CDH18: variants seen among roughly 807,000 people sequenced by gnomAD.
CDH18 encodes the protein cadherin 18.
Under a neutral mutation model 67.9 loss-of-function variants are expected in CDH18, and 31 were observed. The observed-to-expected ratio is 0.46, with a 90% CI of 0.34 to 0.62. The LOEUF (loss-of-function observed/expected upper bound fraction) is 0.62, where lower values mean the gene tolerates loss of function less well. Ranked by LOEUF, CDH18 falls within the 20% of genes least tolerant of loss-of-function variation. The pLI is 0.01. For synonymous variants in CDH18, 362 were observed against 347.2 expected (o/e 1.04, Z -0.48); for missense variants, 890 against 975.5 (o/e 0.91, Z 1.17).
At chr5:20,019,151 T>C (rs373083251) in intron 2 of CDH18, among the ~76,000 whole-genome samples, 4 of 152,100 alleles carry the variant, frequency 2.6e-5, no homozygotes, top group East Asian at 1.9e-4. Flanking sequence ...GGTATTTTCA[T>C]GGAATTAAGC....
intron 5 of CDH18, among the ~76,000 whole-genome samples, chr5:19,663,074 C>T (rs1757406971): frequency 6.6e-6 from 1 of 151,872 alleles, no homozygotes. Context: ...TAACAACGTT[C>T]TTTTTTCCCC....
chr5:20,240,651 A>G (rs577459970), intron 2 of CDH18, among the ~76,000 whole-genome samples: 86 of 152,188 alleles, frequency 5.7e-4, no homozygotes, highest in Non-Finnish European at 8.5e-4. Flanking sequence ...ATAGTTCCTA[A>G]TTATTCTCTT....
intron 1 of CDH18, among the ~76,000 whole-genome samples, chr5:20,529,841 C>T (rs1481631670): frequency 6.6e-6 from 1 of 152,004 alleles, no homozygotes; most frequent in East Asian, 1.9e-4. Context: ...GACAAGGATG[C>T]TGTCTCTCAC....
intron 2 of CDH18, among the ~76,000 whole-genome samples, chr5:20,221,866 A>C (rs542899301): frequency 6.6e-6 from 1 of 152,270 alleles, no homozygotes; most frequent in South Asian, 2.1e-4. Context: ...AAGTTCTACC[A>C]TATCTAAACC....
chr5:19,939,103 T>G lies in CDH18; in HGVS notation c.-257+41957A>C, dbSNP rs906003266. 2.6e-5 allele frequency among the ~76,000 whole-genome samples: 4 copies of G among 151,448 alleles called. 1 individual carries two copies. In the South Asian group the frequency reaches 8.3e-4, roughly 32 times the overall value. ...AATATTTAGAGGATAGAACTAATAC[T>G]TTCAGATATAATATGTTATTTAAGT... is the stretch of plus-strand genomic sequence containing the variant. On this transcript the variant is annotated intron_variant, in intron 2 of 12. Coordinates refer to ENST00000382275, the MANE Select transcript of CDH18 (RefSeq NM_004934.5).
chr5:20,003,741 A>G (rs1425363164), intron 2 of CDH18, among the ~76,000 whole-genome samples: 1 of 151,978 alleles, frequency 6.6e-6, no homozygotes, highest in African/African-American at 2.4e-5. Flanking sequence ...AAACACACAC[A>G]CAAAAAATTA....
Position 19,490,394 on chromosome 5 carries a change from G to GTTTTTTT in CDH18, c.1631-6849_1631-6843dup, listed in dbSNP as rs70950073. ...TGATATATCACATATATAAAAATCT[G>GTTTTTTT]TTTTTTTTTTTTTTTTTTTTTTTTT... On this transcript the variant is annotated intron_variant, in intron 11 of 12. Coordinates refer to ENST00000382275, the MANE Select transcript of CDH18 (RefSeq NM_004934.5). 3.4e-3 allele frequency among the ~76,000 whole-genome samples: 205 copies of GTTTTTTT among 60,222 alleles called. 26 individuals carry two copies. Among genetic ancestry groups the GTTTTTTT allele is most frequent in the Non-Finnish European group, 4.6e-3 (155 of 33,514 alleles). 39.5% of individuals were successfully genotyped at this position (60,222 alleles called of 152,430 possible).
Position 19,471,605 on chromosome 5 carries a change from A to C in CDH18, c.*1621T>G, listed in dbSNP as rs1737657775. On this transcript the variant is annotated 3_prime_UTR_variant, in exon 13 of 13. Transcript: ENST00000382275. ...AATATATAGATGTGGCCAGTTTTAGAAAATAGGACCATTATGGTATGAATT... is the reference window on the plus strand; with the variant it reads ...AATATATAGATGTGGCCAGTTTTAGCAAATAGGACCATTATGGTATGAATT... Among the ~76,000 whole-genome samples, 1 of 152,138 alleles carries C rather than the reference A, an allele frequency of 6.6e-6. No homozygotes were observed. The highest frequency in any genetic ancestry group is 6.6e-5 in the Admixed American group (1 of 15,254).
chr5:20,358,559 G>A (rs1456845844), intron 1 of CDH18, among the ~76,000 whole-genome samples: 1 of 152,144 alleles, frequency 6.6e-6, no homozygotes, highest in Non-Finnish European at 1.5e-5. Flanking sequence ...GCATAAATAT[G>A]TGTAATATTT....
intron 9 of CDH18, among the ~76,000 whole-genome samples, chr5:19,535,922 T>C (rs1288686084): frequency 6.6e-6 from 1 of 152,162 alleles, no homozygotes; most frequent in Non-Finnish European, 1.5e-5. Context: ...ACTGACCAGG[T>C]CAAAGAAATT....
intron 4 of CDH18, among the ~76,000 whole-genome samples, chr5:19,732,448 G>C (rs187354869): frequency 1.4e-4 from 22 of 151,962 alleles, no homozygotes; most frequent in Admixed American, 7.2e-4. Flanking sequence ...TGAGAGCAGC[G>C]GGCTATGATT....
intron 2 of CDH18, among the ~76,000 whole-genome samples, chr5:20,077,133 T>C (rs186269250): frequency 6.6e-6 from 1 of 152,264 alleles, no homozygotes; most frequent in East Asian, 1.9e-4. Flanking sequence ...TACAGGACTT[T>C]ATGAAAGAGA....
intron 2 of CDH18, among the ~76,000 whole-genome samples, chr5:20,115,426 G>A (rs1747817005): frequency 6.6e-6 from 1 of 151,372 alleles, no homozygotes; most frequent in Non-Finnish European, 1.5e-5. Context: ...CTACAGGCAT[G>A]CACCACCATG....
intron 2 of CDH18, among the ~76,000 whole-genome samples, chr5:20,240,664 C>T (rs1255892298): frequency 6.6e-6 from 1 of 152,134 alleles, no homozygotes; most frequent in African/African-American, 2.4e-5. Context: ...ATTCTCTTTT[C>T]TTCTTGAATC....
chr5:20,087,816 C>T (rs1431535555), intron 2 of CDH18, among the ~76,000 whole-genome samples: 2 of 151,970 alleles, frequency 1.3e-5, no homozygotes, highest in African/African-American at 2.4e-5. Flanking sequence ...CTCTTTGTTG[C>T]AGTGGTCTGG....
chr5:19,501,005 C>T (rs180907760), intron 11 of CDH18, among the ~76,000 whole-genome samples: 1,698 of 151,328 alleles, frequency 0.011, 18 homozygotes, highest in South Asian at 0.032. Flanking sequence ...TGGTGGTGGG[C>T]GCCTGTAATC....
At chr5:19,764,624 CATATATAT>C (rs72234101) in intron 3 of CDH18, among the ~76,000 whole-genome samples, 9 of 146,032 alleles carry the variant, frequency 6.2e-5, no homozygotes, top group Non-Finnish European at 9.0e-5. Flanking sequence ...TCTATTTCTT[CATATATAT>C]ATATATATAT....
chr5:20,109,515 G>C lies in CDH18; in HGVS notation c.-517-117501C>G, dbSNP rs571596905. ...CCCAGAGGAACGTGGCTCCGGGAAG[G>C]GAATGAGGGCCAGTGCTGAACCAGC... On this transcript the variant is annotated intron_variant, in intron 2 of 14. Coordinates refer to the CDH18 transcript ENST00000507958. 2.0e-4 allele frequency among the ~76,000 whole-genome samples: 31 copies of C among 152,306 alleles called. 1 individual carries two copies. Among genetic ancestry groups the C allele is most frequent in the African/African-American group, 6.7e-4 (28 of 41,576 alleles).
chr5:19,847,250 AAT>A (rs1179824163), intron 2 of CDH18, among the ~76,000 whole-genome samples: 3 of 152,018 alleles, frequency 2.0e-5, no homozygotes, highest in South Asian at 2.1e-4. Flanking sequence ...TTTTTATTGG[AAT>A]CTCACAATGT....
Sources: allele counts gnomAD v4.1 joint callset (sites outside exome capture counted in the v4.1 genomes callset), GRCh38; gene constraint gnomAD v4.1.1; transcripts MANE v1.5; gene names NCBI Gene and HGNC (gene_info 2026-07-23, HGNC 2026-07-21).